The following CNTN4 variants were observed in gnomAD, a reference collection of about 807,000 sequenced individuals.
CNTN4 encodes the protein contactin-4.
A neutral mutation model predicts 122.5 loss-of-function variants in CNTN4; 77 were observed. That is an observed-to-expected ratio of 0.63 (90% CI 0.52 to 0.76). The LOEUF is 0.76. Among genes scored for constraint, CNTN4 ranks in the 30% least tolerant of loss-of-function variants. The probability of loss-of-function intolerance (pLI) is 0.00; values close to 1 mark genes in which losing one functional copy is unlikely to be tolerated. For synonymous variants in CNTN4, 512 were observed against 447.0 expected, an observed-to-expected ratio of 1.15 and a Z score of -1.83; for missense variants, 1,256 against 1,259.1, an observed-to-expected ratio of 1.00 and a Z score of 0.04.
At chr3:2,684,221 A>C (rs2085315595) in intron 4 of CNTN4, among the ~76,000 whole-genome samples, 1 of 152,138 alleles carries the variant, frequency 6.6e-6, no homozygotes, top group Non-Finnish European at 1.5e-5. Context: ...TTGAAAGCCA[A>C]TCATTTAGCA....
At chr3:2,548,718 C>A (rs565947698) in intron 3 of CNTN4, among the ~76,000 whole-genome samples, 1 of 152,140 alleles carries the variant, frequency 6.6e-6, no homozygotes, top group East Asian at 1.9e-4. Flanking sequence ...TGAAGAAAGT[C>A]AATGGTAGCT....
intron 3 of CNTN4, among the ~76,000 whole-genome samples, chr3:2,517,213 G>T (rs888080606): frequency 6.6e-6 from 1 of 152,174 alleles, no homozygotes; most frequent in Non-Finnish European, 1.5e-5. Context: ...TATCTTAAAT[G>T]AAGTGGGTAT....
intron 3 of CNTN4, among the ~76,000 whole-genome samples, chr3:2,568,357 T>G (rs2079275340): frequency 6.8e-6 from 1 of 147,874 alleles, no homozygotes; most frequent in Non-Finnish European, 1.5e-5. Context: ...TGTACAATTC[T>G]CAGTTATTCA....
chr3:2,676,347 G>A (rs111283571), intron 4 of CNTN4, among the ~76,000 whole-genome samples: 4 of 151,982 alleles, frequency 2.6e-5, no homozygotes, highest in African/African-American at 7.2e-5. Context: ...TCAGCCTCCC[G>A]AGTAGCTGGA....
chr3:2,763,525 G>C (rs983720203), intron 6 of CNTN4, among the ~76,000 whole-genome samples: 1 of 152,092 alleles, frequency 6.6e-6, no homozygotes, highest in African/African-American at 2.4e-5. Context: ...AGTTGCAATT[G>C]CTTTTGTTGT....
At chr3:2,584,300 G>A (rs1002380170) in intron 4 of CNTN4, among the ~76,000 whole-genome samples, 1 of 151,976 alleles carries the variant, frequency 6.6e-6, no homozygotes, top group Non-Finnish European at 1.5e-5. Context: ...AAGAGAGAAT[G>A]CCATGAGCCG....
chr3:2,754,926 T>TTC (rs2090262776), intron 6 of CNTN4, among the ~76,000 whole-genome samples: 3 of 152,260 alleles, frequency 2.0e-5, no homozygotes, highest in Non-Finnish European at 4.4e-5. Context: ...AGATCTTTCT[T>TTC]ATGACTACTA....
chr3:2,922,464 A>G (rs564724066), intron 12 of CNTN4, among the ~76,000 whole-genome samples: 101 of 152,248 alleles, frequency 6.6e-4, no homozygotes, highest in South Asian at 2.7e-3. Flanking sequence ...ATCCATTAAT[A>G]GCTCAAGTAT....
At chr3:3,030,268 T>C (rs7634277) in intron 15 of CNTN4, among the ~76,000 whole-genome samples, 3,968 of 152,290 alleles carry the variant, frequency 0.026, 176 homozygotes, top group African/African-American at 0.09. Context: ...AGTCCCATTC[T>C]TCTGCTAATC....
At chr3:2,932,326 C>G (rs951520384) in intron 13 of CNTN4, among the ~76,000 whole-genome samples, 1 of 151,974 alleles carries the variant, frequency 6.6e-6, no homozygotes, top group Non-Finnish European at 1.5e-5. Flanking sequence ...TGCAGTGAGC[C>G]GAGATTGCAC....
intron 4 of CNTN4, among the ~76,000 whole-genome samples, chr3:2,729,716 C>T (rs1342252860): frequency 2.6e-5 from 4 of 151,840 alleles, no homozygotes; most frequent in Admixed American, 1.3e-4. Context: ...AGTTCGAGAC[C>T]GGCCTGACCA....
chr3:2,404,782 T>G (rs1057451722), intron 3 of CNTN4, among the ~76,000 whole-genome samples: 1 of 152,140 alleles, frequency 6.6e-6, no homozygotes, highest in Non-Finnish European at 1.5e-5. Context: ...GCCTATAACA[T>G]CTCAGTATTT....
At chr3:2,464,347 G>T (rs748502554) in intron 3 of CNTN4, among the ~76,000 whole-genome samples, 1 of 152,190 alleles carries the variant, frequency 6.6e-6, no homozygotes, top group Non-Finnish European at 1.5e-5. Flanking sequence ...AGGAAGTGGC[G>T]CATTAGGAAC....
intron 2 of CNTN4, among the ~76,000 whole-genome samples, chr3:2,310,351 G>A (rs2150134400): frequency 6.6e-6 from 1 of 152,274 alleles, no homozygotes; most frequent in East Asian, 1.9e-4. Context: ...ACACTGTGGA[G>A]CTATGGGATC....
intron 3 of CNTN4, among the ~76,000 whole-genome samples, chr3:2,534,721 G>C (rs1404602510): frequency 3.3e-5 from 5 of 150,354 alleles, no homozygotes; most frequent in Non-Finnish European, 5.9e-5. Context: ...TGCTTACACT[G>C]TCTTCCTTTT....
intron 2 of CNTN4, among the ~76,000 whole-genome samples, chr3:2,202,313 G>T (rs927960599): frequency 6.6e-6 from 1 of 152,186 alleles, no homozygotes; most frequent in Non-Finnish European, 1.5e-5. Context: ...TCAGCTTAAT[G>T]GGTGGTTGCT....
At chr3:2,999,663 A>T (rs978393198) in intron 14 of CNTN4, among the ~76,000 whole-genome samples, 3 of 152,150 alleles carry the variant, frequency 2.0e-5, no homozygotes, top group Admixed American at 1.3e-4. Context: ...AGGATGGAAC[A>T]GCAAAAGAAG....
At chr3:2,571,659 A>G (rs2079424619) in intron 4 of CNTN4, 101 bp downstream of exon 4, 2 of 841,492 alleles carry the variant, frequency 2.4e-6, no homozygotes, top group Non-Finnish European at 2.1e-6. Context: ...TAAAATCGCA[A>G]GAGTATATGC....
intron 7 of CNTN4, among the ~76,000 whole-genome samples, chr3:2,851,316 A>T (rs1047943406): frequency 6.6e-6 from 1 of 152,202 alleles, no homozygotes; most frequent in African/African-American, 2.4e-5. Flanking sequence ...CTCTGATCAT[A>T]TGCCTCTCCA....
Sources: gnomAD v4.1 joint callset for allele counts (sites outside exome capture counted in the v4.1 genomes callset) on GRCh38, gnomAD v4.1.1 for gene constraint, MANE v1.5 for transcripts, NCBI Gene and HGNC (gene_info 2026-07-23, HGNC 2026-07-21) for gene names.